The following CRPPA variants were observed in gnomAD, a reference collection of about 807,000 sequenced individuals.
CRPPA encodes the protein CDP-L-ribitol pyrophosphorylase A.
CRPPA carries 43 observed loss-of-function variants against 52.0 expected under a neutral mutation model. That is an observed-to-expected ratio of 0.83 (90% CI 0.65 to 1.07). The LOEUF is 1.07. Among genes scored for constraint, CRPPA ranks in the 50% least tolerant of loss-of-function variants. The pLI, the probability that CRPPA is intolerant of heterozygous loss-of-function variation, is 0.00. For synonymous variants in CRPPA, 250 were observed against 203.5 expected, an observed-to-expected ratio of 1.23 and a Z score of -1.94; for missense variants, 629 against 551.7, an observed-to-expected ratio of 1.14 and a Z score of -1.40.
At chr7:16,389,557 C>T (rs747581802) in intron 2 of CRPPA, among the ~76,000 whole-genome samples, 1 of 151,996 alleles carries the variant, frequency 6.6e-6, no homozygotes, top group African/African-American at 2.4e-5. Flanking sequence ...ATCCAACACC[C>T]CTTTGTGAGA....
intron 2 of CRPPA, among the ~76,000 whole-genome samples, chr7:16,400,616 C>T (rs774373230): frequency 1.9e-4 from 29 of 152,158 alleles, no homozygotes; most frequent in African/African-American, 2.9e-4. Context: ...TCAACACAAC[C>T]GACATGATGT....
rs1322242441 is a variant in CRPPA at position 16,270,301 on chromosome 7, A to C, written c.933+7828T>G. ...ATCTGGTTCCTTTAGGAAGAGTAAT[A>C]TTTCAACAGGTTCCTGTATTTCAAG... On this transcript the variant is annotated intron_variant, in intron 6 of 9. Transcript: ENST00000407010. 3.3e-5 allele frequency: 5 copies of C among 152,138 alleles called. No individual in the cohort carries two copies. The East Asian group carries it at 9.6e-4, about 29-fold the overall frequency. 9.4% of individuals were successfully genotyped at this position (152,138 alleles called of 1,614,324 possible).
At chr7:16,342,982 G>A (rs7787308) in intron 3 of CRPPA, among the ~76,000 whole-genome samples, 66,684 of 150,394 alleles carry the variant, frequency 0.44, 15,127 homozygotes, top group South Asian at 0.6. Flanking sequence ...AGAAGTTGCA[G>A]TAAGCCAAGA....
chr7:16,200,797 G>C (rs941351476), intron 9 of CRPPA, among the ~76,000 whole-genome samples: 1 of 152,114 alleles, frequency 6.6e-6, no homozygotes, highest in East Asian at 1.9e-4. Context: ...AGACCTAACA[G>C]ACAATGAATT....
At chr7:16,378,436 G>A (rs1208102167) in intron 2 of CRPPA, among the ~76,000 whole-genome samples, 7 of 151,664 alleles carry the variant, frequency 4.6e-5, no homozygotes, top group Non-Finnish European at 7.4e-5. Flanking sequence ...CAAAGGACAT[G>A]AACTCATCAT....
chr7:16,397,015 G>A (rs1284140158), intron 2 of CRPPA, among the ~76,000 whole-genome samples: 1 of 152,084 alleles, frequency 6.6e-6, no homozygotes, highest in Non-Finnish European at 1.5e-5. Context: ...TGACACGTGT[G>A]AAACATGTGC....
chr7:16,312,459 G>C (rs956645005), intron 3 of CRPPA, among the ~76,000 whole-genome samples: 1 of 151,950 alleles, frequency 6.6e-6, no homozygotes, highest in Non-Finnish European at 1.5e-5. Context: ...TTCCCTCGTA[G>C]CCTGCAACTT....
At chr7:16,389,909 T>C (rs1485767225) in intron 2 of CRPPA, among the ~76,000 whole-genome samples, 2 of 5,928 alleles carry the variant, frequency 3.4e-4, no homozygotes, top group East Asian at 9.6e-3. Flanking sequence ...ACAAGCCTAG[T>C]ATACAAAAAA....
intron 5 of CRPPA, among the ~76,000 whole-genome samples, chr7:16,300,687 C>T (rs1324327778): frequency 6.6e-6 from 1 of 152,126 alleles, no homozygotes; most frequent in Non-Finnish European, 1.5e-5. Context: ...ACAAAACAGT[C>T]CACACAGCTT....
intron 9 of CRPPA, among the ~76,000 whole-genome samples, chr7:16,129,941 C>A (rs1378835123): frequency 6.6e-6 from 1 of 152,172 alleles, no homozygotes; most frequent in African/African-American, 2.4e-5. Context: ...AGGATTCATT[C>A]TTTCCTGGTT....
intron 2 of CRPPA, among the ~76,000 whole-genome samples, chr7:16,389,875 G>A (rs866540345): frequency 3.4e-5 from 4 of 117,936 alleles, no homozygotes; most frequent in Admixed American, 9.6e-5. Flanking sequence ...TAGAAGAAGC[G>A]AGTTGTCAGC....
intron 9 of CRPPA, among the ~76,000 whole-genome samples, chr7:16,181,773 C>T (rs935977703): frequency 6.6e-6 from 1 of 151,904 alleles, no homozygotes; most frequent in African/African-American, 2.4e-5. Context: ...CTCTAAGACA[C>T]TTTTATGCTT....
At chr7:16,107,345 TA>T in intron 9 of CRPPA, among the ~76,000 whole-genome samples, 1 of 151,840 alleles carries the variant, frequency 6.6e-6, no homozygotes, top group Non-Finnish European at 1.5e-5. Flanking sequence ...AATCAAAAAA[TA>T]AATAAAATTC....
intron 3 of CRPPA, among the ~76,000 whole-genome samples, chr7:16,350,629 G>C (rs1407427194): frequency 6.6e-6 from 1 of 152,022 alleles, no homozygotes; most frequent in Non-Finnish European, 1.5e-5. Context: ...TTTTTAAAAA[G>C]TGATCCAAAG....
intron 8 of CRPPA, among the ~76,000 whole-genome samples, chr7:16,216,758 G>T (rs1183163897): frequency 2.6e-5 from 4 of 152,222 alleles, no homozygotes; most frequent in Admixed American, 2.6e-4. Context: ...CGCACCACGA[G>T]ATTATATCCT....
At chr7:16,103,610 C>T (rs1393016429) in intron 9 of CRPPA, among the ~76,000 whole-genome samples, 1 of 152,094 alleles carries the variant, frequency 6.6e-6, no homozygotes, top group African/African-American at 2.4e-5. Context: ...TGAAAAAACA[C>T]CCAGTCTAAG....
Position 16,232,585 on chromosome 7 carries a change from CAGTA to C in CRPPA, c.1120-16392_1120-16389del, listed in dbSNP as rs199609367. ...CATGTTATTCTAACACCAGAAAACA[CAGTA>C]AGTAAGACAATAATTTACAGGGCAT... On this transcript the variant is annotated intron_variant, in intron 8 of 9. Transcript: ENST00000407010. Among the ~76,000 whole-genome samples the C allele has an allele frequency of 7.3e-3, 1,111 of 152,146 alleles. 13 individuals are homozygous for C. The highest frequency in any genetic ancestry group is 0.026 in the African/African-American group (1,062 of 41,514).
At chr7:16,201,094 C>A (rs1781842462) in intron 9 of CRPPA, among the ~76,000 whole-genome samples, 1 of 152,140 alleles carries the variant, frequency 6.6e-6, no homozygotes, top group South Asian at 2.1e-4. Context: ...ACATATTTCA[C>A]AAGATGAAAG....
chr7:16,357,631 G>A (rs1233055374), intron 3 of CRPPA, among the ~76,000 whole-genome samples: 16 of 152,160 alleles, frequency 1.1e-4, no homozygotes, highest in Admixed American at 1.0e-3. Flanking sequence ...GTCACTACAG[G>A]AACTGGGAAA....
Sources: gnomAD v4.1 joint callset for allele counts (sites outside exome capture counted in the v4.1 genomes callset) on GRCh38, gnomAD v4.1.1 for gene constraint, MANE v1.5 for transcripts, NCBI Gene and HGNC (gene_info 2026-07-23, HGNC 2026-07-21) for gene names.